Variants in KAZN observed in about 807,000 individuals in gnomAD.
KAZN encodes kazrin, periplakin interacting protein.
KAZN carries 40 observed loss-of-function variants against 87.4 expected under a neutral mutation model. The ratio of observed to expected loss-of-function variants is 0.46; its 90% CI spans 0.36 to 0.60. The LOEUF is 0.60. Ranked by LOEUF, KAZN falls within the 20% of genes least tolerant of loss-of-function variation. The probability of loss-of-function intolerance (pLI) is 0.00; values close to 1 mark genes in which losing one functional copy is unlikely to be tolerated. For synonymous variants in KAZN, 466 were observed against 458.3 expected, an observed-to-expected ratio of 1.02 and a Z score of -0.22; for missense variants, 898 against 1,073.9, an observed-to-expected ratio of 0.84 and a Z score of 2.29.
intron 2 of KAZN, among the ~76,000 whole-genome samples, chr1:14,377,134 G>T (rs1660975886): frequency 6.6e-6 from 1 of 152,182 alleles, no homozygotes. Flanking sequence ...GTACTTTGTT[G>T]AAGTGCTTAA....
intron 1 of KAZN, among the ~76,000 whole-genome samples, chr1:14,618,202 C>G (rs1394013909): frequency 6.6e-6 from 1 of 152,212 alleles, no homozygotes; most frequent in African/African-American, 2.4e-5. Flanking sequence ...TGGAAACACA[C>G]TGGGGCATGG....
intron 2 of KAZN, chr1:14,180,659 T>A: frequency 1.5e-6 from 2 of 1,346,970 alleles, no homozygotes; most frequent in Non-Finnish European, 2.0e-6. Flanking sequence ...TGGCATAAGC[T>A]GTCCAAAAAT....
intron 1 of KAZN, among the ~76,000 whole-genome samples, chr1:14,869,137 G>A (rs750451260): frequency 3.9e-5 from 6 of 152,192 alleles, no homozygotes; most frequent in Non-Finnish European, 8.8e-5. Flanking sequence ...TATTCTAGCC[G>A]CAGGTTGGGA....
At chr1:14,067,227 C>T (rs1013836556) in intron 1 of KAZN, among the ~76,000 whole-genome samples, 4 of 152,150 alleles carry the variant, frequency 2.6e-5, no homozygotes, top group African/African-American at 7.2e-5. Context: ...GTGCCTGTCC[C>T]GTGATAGGCT....
At chr1:14,002,391 C>A (rs549370254) in intron 1 of KAZN, among the ~76,000 whole-genome samples, 150 of 152,326 alleles carry the variant, frequency 9.8e-4, no homozygotes, top group African/African-American at 3.4e-3. Flanking sequence ...CTTTCCCATG[C>A]TCTTCTAGTG....
intron 8 of KAZN, among the ~76,000 whole-genome samples, chr1:15,072,210 TG>T (rs1456871450): frequency 6.6e-6 from 1 of 152,222 alleles, no homozygotes; most frequent in African/African-American, 2.4e-5. Context: ...TTTTGGAGTC[TG>T]AAAAGGGCTG....
chr1:14,345,221 C>A (rs1431006869), intron 2 of KAZN, among the ~76,000 whole-genome samples: 2 of 152,068 alleles, frequency 1.3e-5, no homozygotes, highest in African/African-American at 2.4e-5. Flanking sequence ...CCAGGCCCAT[C>A]CCCTCTTCTA....
rs1640929482 is a variant in KAZN, at chr1:15,099,085, C to A, written c.1548-2458C>A. On this transcript the variant is annotated intron_variant, in intron 10 of 14. Transcript: ENST00000376030. The surrounding 1 kb of genome is among the most constrained non-coding windows in gnomAD (Gnocchi z 5.4). Reference sequence around the variant, plus strand: ...GCTTCCGGGAGACCAGACGTCTCTGCAGAGTCCATAGGAGTTCACTGGGGG... The same window carrying A: ...GCTTCCGGGAGACCAGACGTCTCTGAAGAGTCCATAGGAGTTCACTGGGGG... 6.6e-6 allele frequency among the ~76,000 whole-genome samples: 1 copy of A among 152,140 alleles called. No individual in the cohort carries two copies. The highest frequency in any genetic ancestry group is 1.5e-5 in the Non-Finnish European group (1 of 68,026).
chr1:14,042,571 T>C (rs1158694112), intron 1 of KAZN, among the ~76,000 whole-genome samples: 2 of 152,220 alleles, frequency 1.3e-5, no homozygotes, highest in African/African-American at 4.8e-5. Context: ...ATTTTATCAC[T>C]TCATATATTG....
chr1:14,478,224 AGAAG>A (rs36051851), intron 2 of KAZN, among the ~76,000 whole-genome samples: 57 of 145,458 alleles, frequency 3.9e-4, no homozygotes, highest in Middle Eastern at 3.6e-3. Context: ...ATGGATGGAT[AGAAG>A]GAAGGAAGGA....
intron 3 of KAZN, among the ~76,000 whole-genome samples, chr1:15,041,297 C>G (rs1046896718): frequency 1.3e-4 from 20 of 148,286 alleles, no homozygotes; most frequent in African/African-American, 5.0e-4. Context: ...AGCCCCTCCT[C>G]TCCCCTCTGT....
intron 1 of KAZN, among the ~76,000 whole-genome samples, chr1:14,762,867 T>C (rs889468527): frequency 2.0e-5 from 3 of 152,162 alleles, no homozygotes; most frequent in African/African-American, 7.2e-5. Context: ...GCAACAATAA[T>C]AATAATAATA....
chr1:14,804,355 G>T (rs973176392), intron 1 of KAZN, among the ~76,000 whole-genome samples: 2 of 152,204 alleles, frequency 1.3e-5, no homozygotes, highest in African/African-American at 4.8e-5. Context: ...AGGAAGCAGG[G>T]ACCCCATGGA....
At chr1:14,782,561 A>G (rs920139658) in intron 1 of KAZN, among the ~76,000 whole-genome samples, 2 of 142,972 alleles carry the variant, frequency 1.4e-5, no homozygotes, top group Non-Finnish European at 3.0e-5. Context: ...GAGCAAAAAA[A>G]AAAAAAAAAA....
chr1:14,689,435 G>C (rs1008947728), intron 1 of KAZN, among the ~76,000 whole-genome samples: 1 of 152,164 alleles, frequency 6.6e-6, no homozygotes, highest in Admixed American at 6.5e-5. Context: ...AGCTGCCGGA[G>C]GATGTTGATG....
At chr1:14,442,445 G>T (rs542646897) in intron 2 of KAZN, among the ~76,000 whole-genome samples, 12 of 152,324 alleles carry the variant, frequency 7.9e-5, no homozygotes, top group African/African-American at 2.6e-4. Context: ...AGGTTTTGCT[G>T]CTGTATGAGA....
intron 2 of KAZN, among the ~76,000 whole-genome samples, chr1:14,212,307 A>G (rs1346251646): frequency 2.6e-5 from 4 of 152,120 alleles, no homozygotes; most frequent in African/African-American, 4.8e-5. Context: ...CTCTTTGACC[A>G]TCTGTTTCTT....
At chr1:13,919,335 T>G (rs1273685727) in intron 1 of KAZN, among the ~76,000 whole-genome samples, 1 of 152,252 alleles carries the variant, frequency 6.6e-6, no homozygotes. Flanking sequence ...TCTGGCTCCT[T>G]TTGCTCAACC....
intron 1 of KAZN, among the ~76,000 whole-genome samples, chr1:14,054,274 A>G (rs537344322): frequency 1.3e-5 from 2 of 152,310 alleles, no homozygotes; most frequent in South Asian, 4.1e-4. Flanking sequence ...TGTTATATTC[A>G]TTTCAATTCT....
Sources: allele counts gnomAD v4.1 joint callset (sites outside exome capture counted in the v4.1 genomes callset), GRCh38; gene constraint gnomAD v4.1.1; non-coding constraint Gnocchi (gnomAD v3.1); transcripts MANE v1.5; gene names NCBI Gene and HGNC (gene_info 2026-07-23, HGNC 2026-07-21).